MYRIP: variants seen among roughly 807,000 people sequenced by gnomAD.
The protein encoded by MYRIP is myosin VIIA and Rab interacting protein.
A neutral mutation model predicts 98.0 loss-of-function variants in MYRIP; 49 were observed. The observed-to-expected ratio is 0.50, with a 90% CI of 0.40 to 0.63. MYRIP has a LOEUF of 0.63. MYRIP is among the 30% of genes least tolerant of loss of function. The pLI is 0.00. For missense variants in MYRIP, 1,004 were observed against 1,058.2 expected (o/e 0.95, Z 0.71); for synonymous variants, 404 against 409.5 (o/e 0.99, Z 0.16).
intron 2 of MYRIP, among the ~76,000 whole-genome samples, chr3:39,962,212 G>T (rs181781971): frequency 1.3e-5 from 2 of 152,202 alleles, no homozygotes; most frequent in East Asian, 1.9e-4. Context: ...TGTTATGAAG[G>T]TCAAGTAAAA....
chr3:40,100,832 T>A (rs1236182139), intron 3 of MYRIP, among the ~76,000 whole-genome samples: 1 of 152,164 alleles, frequency 6.6e-6, no homozygotes, highest in South Asian at 2.1e-4. Context: ...TGATACTATA[T>A]CCATCACCCA....
At chr3:39,994,211 C>G (rs1442118509) in intron 2 of MYRIP, among the ~76,000 whole-genome samples, 1 of 152,218 alleles carries the variant, frequency 6.6e-6, no homozygotes, top group Non-Finnish European at 1.5e-5. Flanking sequence ...GGGTGCAGCA[C>G]ACGGAGCATG....
intron 3 of MYRIP, among the ~76,000 whole-genome samples, chr3:40,068,184 T>C (rs1232154413): frequency 6.6e-6 from 1 of 152,230 alleles, no homozygotes. Context: ...GTTCAAAGAA[T>C]GTATATATTT....
intron 4 of MYRIP, among the ~76,000 whole-genome samples, chr3:40,158,933 G>T (rs1346055734): frequency 1.3e-5 from 2 of 152,008 alleles, no homozygotes; most frequent in Admixed American, 1.3e-4. Context: ...ACACTGATGG[G>T]TCTTGACTCT....
At chr3:40,062,755 A>G (rs1394243807) in intron 3 of MYRIP, among the ~76,000 whole-genome samples, 1 of 152,168 alleles carries the variant, frequency 6.6e-6, no homozygotes, top group Non-Finnish European at 1.5e-5. Flanking sequence ...TCATTTGTTG[A>G]CTTGGCCTTG....
intron 1 of MYRIP, among the ~76,000 whole-genome samples, chr3:39,872,928 G>A (rs1428086089): frequency 2.6e-5 from 4 of 152,104 alleles, no homozygotes; most frequent in South Asian, 2.1e-4. Context: ...CTTCCACAAT[G>A]GTTGAACTAG....
In MYRIP at chr3:40,032,238, C is replaced by T. The variant is rs571621379; in HGVS notation, c.111-11812C>T. 1.7e-3 allele frequency among the ~76,000 whole-genome samples: 251 copies of T among 152,104 alleles called. 2 individuals carry two copies. The highest frequency in any genetic ancestry group is 4.8e-3 in the Admixed American group (73 of 15,264). ...AGCATCTTTATTTCTGTCTTCATTT[C>T]GTTATGTACCCAGTAGTCATTCAGG... is the stretch of plus-strand genomic sequence containing the variant. On this transcript the variant is annotated intron_variant, in intron 2 of 16. Transcript: ENST00000302541.
chr3:40,255,362 A>G (rs1301352859), intron 16 of MYRIP, among the ~76,000 whole-genome samples: 1 of 152,214 alleles, frequency 6.6e-6, no homozygotes, highest in African/African-American at 2.4e-5. Context: ...AAACTAGATA[A>G]AGGTGGTAGT....
chr3:40,218,653 T>TATATATACAC, intron 11 of MYRIP, among the ~76,000 whole-genome samples: 1 of 132,184 alleles, frequency 7.6e-6, no homozygotes, highest in South Asian at 2.3e-4. Context: ...TATATATATA[T>TATATATACAC]ATACATACAC....
At chr3:39,913,627 AGCTTTATAAAT>A (rs1285851606) in intron 2 of MYRIP, among the ~76,000 whole-genome samples, 4 of 152,234 alleles carry the variant, frequency 2.6e-5, no homozygotes, top group Non-Finnish European at 5.9e-5. Context: ...AGTTAAAAAA[AGCTTTATAAAT>A]GCCCCAGCTT....
Position 40,190,475 on chromosome 3 carries a change from G to A in MYRIP, c.1665+12G>A. 1 of 1,564,336 alleles carries A rather than the reference G, an allele frequency of 6.4e-7. No homozygotes were observed. Among genetic ancestry groups the A allele is most frequent in the Admixed American group, 1.8e-5 (1 of 54,178 alleles). ...TAGACACACATCAGGTAATGGAAGT[G>A]CATGCGTGCAAATGCACACACACTC... is the stretch of plus-strand genomic sequence containing the variant. On this transcript the variant is annotated intron_variant, in intron 10 of 16. Coordinates refer to ENST00000302541, the MANE Select transcript of MYRIP (RefSeq NM_015460.4).
intron 1 of MYRIP, among the ~76,000 whole-genome samples, chr3:39,866,320 C>A (rs1559501442): frequency 6.6e-6 from 1 of 152,044 alleles, no homozygotes; most frequent in Non-Finnish European, 1.5e-5. Flanking sequence ...TACATATATA[C>A]CCCTGAACCT....
At chr3:39,887,047 A>G (rs573522963) in intron 1 of MYRIP, among the ~76,000 whole-genome samples, 120 of 151,820 alleles carry the variant, frequency 7.9e-4, no homozygotes, top group Non-Finnish European at 1.5e-3. Flanking sequence ...ACTCAAAACC[A>G]CTCAACTACA....
intron 2 of MYRIP, among the ~76,000 whole-genome samples, chr3:40,039,026 T>G (rs1947446819): frequency 6.6e-6 from 1 of 152,192 alleles, no homozygotes; most frequent in Admixed American, 6.5e-5. Context: ...AGGTGGTGGC[T>G]GAGGGCTTTA....
chr3:40,023,702 G>C (rs1947056442), intron 2 of MYRIP, among the ~76,000 whole-genome samples: 1 of 152,140 alleles, frequency 6.6e-6, no homozygotes, highest in African/African-American at 2.4e-5. Context: ...AAGAATCTAG[G>C]AAAGGTGGTT....
intron 2 of MYRIP, among the ~76,000 whole-genome samples, chr3:39,954,086 G>A (rs983822007): frequency 4.6e-5 from 7 of 152,078 alleles, no homozygotes; most frequent in African/African-American, 1.4e-4. Context: ...TCTGGGGCAG[G>A]GCATAGCTAA....
At chr3:40,010,099 T>C (rs1268156759) in intron 2 of MYRIP, among the ~76,000 whole-genome samples, 1 of 152,024 alleles carries the variant, frequency 6.6e-6, no homozygotes, top group African/African-American at 2.4e-5. Flanking sequence ...CAAGCCAAGG[T>C]GGGAGCTGTA....
At chr3:40,217,712 A>T (rs922384970) in intron 11 of MYRIP, among the ~76,000 whole-genome samples, 5 of 152,114 alleles carry the variant, frequency 3.3e-5, no homozygotes, top group African/African-American at 1.2e-4. Flanking sequence ...AATGAAATTG[A>T]TTTTCATCAA....
chr3:40,216,078 A>G (rs1952110835), intron 11 of MYRIP, among the ~76,000 whole-genome samples: 1 of 152,234 alleles, frequency 6.6e-6, no homozygotes, highest in Non-Finnish European at 1.5e-5. Flanking sequence ...GAGAAGCAGA[A>G]TATCTTCCTC....
Sources: gnomAD v4.1 joint callset for allele counts (sites outside exome capture counted in the v4.1 genomes callset) on GRCh38, gnomAD v4.1.1 for gene constraint, MANE v1.5 for transcripts, NCBI Gene and HGNC (gene_info 2026-07-23, HGNC 2026-07-21) for gene names.